The following INPP4B variants were observed in gnomAD, a reference collection of about 807,000 sequenced individuals.
INPP4B encodes inositol polyphosphate 4-phosphatase type II.
INPP4B carries 55 observed loss-of-function variants against 122.5 expected under a neutral mutation model. The ratio of observed to expected loss-of-function variants is 0.45; its 90% CI spans 0.36 to 0.56. The LOEUF (loss-of-function observed/expected upper bound fraction) is 0.56, where lower values mean the gene tolerates loss of function less well. Among genes scored for constraint, INPP4B ranks in the 20% least tolerant of loss-of-function variants. INPP4B has a pLI of 0.00. For missense variants in INPP4B, 1,000 were observed against 1,097.7 expected, an observed-to-expected ratio of 0.91 and a Z score of 1.26; for synonymous variants, 403 against 388.7, an observed-to-expected ratio of 1.04 and a Z score of -0.43.
At chr4:142,442,142 C>T (rs907946928) in intron 3 of INPP4B, among the ~76,000 whole-genome samples, 2 of 151,922 alleles carry the variant, frequency 1.3e-5, no homozygotes, top group African/African-American at 4.8e-5. Context: ...GGCACGGTGG[C>T]TCACGCCTAC....
intron 4 of INPP4B, among the ~76,000 whole-genome samples, chr4:142,429,468 T>C (rs752189648): frequency 5.9e-5 from 9 of 152,056 alleles, no homozygotes; most frequent in Non-Finnish European, 1.0e-4. Flanking sequence ...CCAAGAAATG[T>C]TTTTGTAAGC....
At chr4:142,037,785 C>T (rs937253740) in intron 25 of INPP4B, among the ~76,000 whole-genome samples, 1 of 152,060 alleles carries the variant, frequency 6.6e-6, no homozygotes, top group Non-Finnish European at 1.5e-5. Flanking sequence ...AGATTTAAAT[C>T]CTGCAGATCT....
chr4:142,146,965 T>A (rs1256453650), intron 17 of INPP4B, among the ~76,000 whole-genome samples: 1 of 152,194 alleles, frequency 6.6e-6, no homozygotes, highest in Non-Finnish European at 1.5e-5. Context: ...AAATTGCTAT[T>A]AATTGTTTAA....
At chr4:142,590,479 G>A (rs980190485) in intron 2 of INPP4B, among the ~76,000 whole-genome samples, 1 of 152,122 alleles carries the variant, frequency 6.6e-6, no homozygotes, top group Non-Finnish European at 1.5e-5. Flanking sequence ...TGGCCCATAG[G>A]AGTTTAGGTT....
chr4:142,765,985 C>T (rs1474002223), intron 1 of INPP4B: 2 of 151,882 alleles, frequency 1.3e-5, no homozygotes, highest in Admixed American at 6.6e-5. Flanking sequence ...TAGATTCTCA[C>T]TTAATGAGAT....
At chr4:142,593,092 A>C (rs13102191) in intron 2 of INPP4B, among the ~76,000 whole-genome samples, 90,375 of 150,052 alleles carry the variant, frequency 0.6, 28,505 homozygotes, top group East Asian at 0.79. Flanking sequence ...TGATACAGTG[A>C]GATCCTGTTT....
chr4:142,829,382 C>T (rs527718689), intron 1 of INPP4B, among the ~76,000 whole-genome samples: 21 of 152,256 alleles, frequency 1.4e-4, no homozygotes, highest in African/African-American at 4.8e-4. Context: ...TGTTTATGCC[C>T]TTGGCTTTTG....
rs941713039 is a variant in INPP4B, at chr4:142,521,280, G to A, written c.-190-58554C>T. Among the ~76,000 whole-genome samples the A allele has an allele frequency of 2.2e-4, 34 of 151,742 alleles. 1 individual carries two copies. Among genetic ancestry groups the A allele is most frequent in the African/African-American group, 8.0e-4 (33 of 41,368 alleles). The stretch of plus-strand genomic sequence containing the variant: ...TAAGACAAAAATAAAAGGATTCCAT[G>A]GTAAAATAAGATTGGGAAATATTTC... On this transcript the variant is annotated intron_variant, in intron 2 of 25. Coordinates refer to ENST00000262992, the MANE Select transcript of INPP4B (RefSeq NM_001101669.3).
rs139375932 is a variant in INPP4B at position 142,583,027 on chromosome 4, T to C, written c.-190-120301A>G. 2.7e-3 allele frequency among the ~76,000 whole-genome samples: 407 copies of C among 152,236 alleles called. 6 individuals carry two copies. The highest frequency in any genetic ancestry group is 0.018 in the East Asian group (95 of 5,174). On this transcript the variant is annotated intron_variant, in intron 2 of 25. Transcript: ENST00000262992. ...GCATTGCTAAGACTGAGTCTCACCTTTACTAGTTTATTACCTGTGTGACCT... is the reference window on the plus strand; with the variant it reads ...GCATTGCTAAGACTGAGTCTCACCTCTACTAGTTTATTACCTGTGTGACCT...
At chr4:142,562,519 T>C (rs557265419) in intron 2 of INPP4B, among the ~76,000 whole-genome samples, 1 of 152,250 alleles carries the variant, frequency 6.6e-6, no homozygotes, top group South Asian at 2.1e-4. Flanking sequence ...AATACCAGGA[T>C]TGGATGCCAA....
chr4:142,465,275 CT>C, intron 2 of INPP4B, among the ~76,000 whole-genome samples: 1 of 152,212 alleles, frequency 6.6e-6, no homozygotes, highest in South Asian at 2.1e-4. Flanking sequence ...TCATTCATTA[CT>C]TGTCAGCTCC....
intron 1 of INPP4B, among the ~76,000 whole-genome samples, chr4:142,806,192 T>G (rs1778672790): frequency 7.3e-6 from 1 of 136,116 alleles, no homozygotes; most frequent in Admixed American, 8.6e-5. Context: ...GGCAGGAGAA[T>G]GGCGTGAACC....
chr4:142,380,371 A>C (rs1361572484), intron 7 of INPP4B, among the ~76,000 whole-genome samples: 3 of 152,052 alleles, frequency 2.0e-5, no homozygotes, highest in African/African-American at 7.2e-5. Flanking sequence ...TTCTCTACAG[A>C]CGTTGAGCAG....
chr4:142,057,756 C>T (rs755479117), intron 25 of INPP4B, among the ~76,000 whole-genome samples: 21 of 152,030 alleles, frequency 1.4e-4, no homozygotes, highest in Admixed American at 9.2e-4. Context: ...TCTGCATATC[C>T]GTTACCTCTT....
rs77353609 is a variant in INPP4B at position 142,549,374 on chromosome 4, T to C, written c.-190-86648A>G. On this transcript the variant is annotated intron_variant, in intron 2 of 25. Transcript: ENST00000262992. ...ACCATCAGACGGTAATGACTAGATG[T>C]CAGTTTCTGGAGCATGTCCAGAGAA... 8.1e-3 allele frequency among the ~76,000 whole-genome samples: 1,232 copies of C among 152,162 alleles called. 10 individuals are homozygous for C. The highest frequency in any genetic ancestry group is 0.013 in the Non-Finnish European group (905 of 68,008).
intron 18 of INPP4B, among the ~76,000 whole-genome samples, chr4:142,130,013 G>C (rs901155729): frequency 6.6e-6 from 1 of 152,188 alleles, no homozygotes; most frequent in African/African-American, 2.4e-5. Flanking sequence ...TACAGTATAA[G>C]GTGGTATGAT....
intron 23 of INPP4B, among the ~76,000 whole-genome samples, chr4:142,086,815 A>G (rs1578853946): frequency 6.6e-6 from 1 of 152,324 alleles, no homozygotes; most frequent in East Asian, 1.9e-4. Context: ...GTCCTACAGT[A>G]CTATTTTACC....
chr4:142,646,347 G>T (rs541752402), intron 2 of INPP4B, among the ~76,000 whole-genome samples: 1 of 152,082 alleles, frequency 6.6e-6, no homozygotes, highest in South Asian at 2.1e-4. Context: ...CTACAAAGAA[G>T]ATCCTATTTT....
In INPP4B at chr4:142,464,378, C is replaced by T. The variant is rs995028228; in HGVS notation, c.-190-1652G>A. Reference sequence around the variant, plus strand: ...ACCATTGTACCTCATTTGAAAGAAACATTCCCCTAGTAATGTCAATAATGC... The same window carrying T: ...ACCATTGTACCTCATTTGAAAGAAATATTCCCCTAGTAATGTCAATAATGC... On this transcript the variant is annotated intron_variant, in intron 2 of 25. Transcript: ENST00000262992. 3.3e-5 allele frequency among the ~76,000 whole-genome samples: 5 copies of T among 152,148 alleles called. No individual in the cohort carries two copies. The East Asian group carries it at 9.7e-4, about 29-fold the overall frequency.
Sources: gnomAD v4.1 joint callset for allele counts (sites outside exome capture counted in the v4.1 genomes callset) on GRCh38, gnomAD v4.1.1 for gene constraint, MANE v1.5 for transcripts, NCBI Gene and HGNC (gene_info 2026-07-23, HGNC 2026-07-21) for gene names.